Variants in FCHSD2 observed in about 807,000 individuals in gnomAD.
FCHSD2 encodes F-BAR and double SH3 domains protein 2.
In FCHSD2, 38 loss-of-function variants were observed where a neutral mutation model predicts 108.1. The ratio of observed to expected loss-of-function variants is 0.35; its 90% confidence interval spans 0.27 to 0.46. The LOEUF (loss-of-function observed/expected upper bound fraction) is 0.46. FCHSD2 is among the 20% of genes least tolerant of loss of function. The pLI, the probability that FCHSD2 is intolerant of heterozygous loss-of-function variation, is 1.00. For missense variants in FCHSD2, 751 were observed against 897.8 expected, an observed-to-expected ratio of 0.84 and a Z score of 2.09; for synonymous variants, 279 against 314.7, an observed-to-expected ratio of 0.89 and a Z score of 1.20.
chr11:72,874,420 C>T (rs1337937936), intron 12 of FCHSD2, among the ~76,000 whole-genome samples: 6 of 152,116 alleles, frequency 3.9e-5, no homozygotes, highest in African/African-American at 1.4e-4. Flanking sequence ...GAACTTCTGG[C>T]TTCAAGTGAT....
rs192897489 is a variant in FCHSD2, at chr11:72,943,828, T to C, written c.706-21878A>G. 4.6e-5 allele frequency among the ~76,000 whole-genome samples: 7 copies of C among 152,336 alleles called. No individual in the cohort carries two copies. The East Asian group carries it at 7.7e-4, about 17-fold the overall frequency. On this transcript the variant is annotated intron_variant, in intron 8 of 19. Transcript: ENST00000409418. ...CAAGAAGTTTCAGTTAGCACATCTA[T>C]AATTAAATATTTGTTCTAAGGCATG...
At chr11:72,935,976 G>C (rs1271732042) in intron 8 of FCHSD2, among the ~76,000 whole-genome samples, 1 of 152,208 alleles carries the variant, frequency 6.6e-6, no homozygotes, top group East Asian at 1.9e-4. Flanking sequence ...ACCCAGTTGT[G>C]AGTGGGCTAA....
intron 3 of FCHSD2, among the ~76,000 whole-genome samples, chr11:73,057,587 T>C (rs910277263): frequency 6.6e-6 from 1 of 152,012 alleles, no homozygotes. Flanking sequence ...AGGAATATTC[T>C]ACCTCCTTCT....
intron 10 of FCHSD2, among the ~76,000 whole-genome samples, chr11:72,896,948 T>G (rs1855433322): frequency 6.6e-6 from 1 of 151,862 alleles, no homozygotes; most frequent in South Asian, 2.1e-4. Context: ...TGCCTCAGCC[T>G]CCCGAGTAGC....
intron 2 of FCHSD2, among the ~76,000 whole-genome samples, chr11:73,120,938 G>A (rs182532144): frequency 2.6e-5 from 4 of 151,794 alleles, no homozygotes; most frequent in African/African-American, 4.8e-5. Context: ...GGCTCCCCAC[G>A]AAATCTAATC....
intron 3 of FCHSD2, among the ~76,000 whole-genome samples, chr11:73,071,650 G>C (rs559029921): frequency 6.6e-6 from 1 of 151,974 alleles, no homozygotes; most frequent in African/African-American, 2.4e-5. Flanking sequence ...GCAGTGAGCC[G>C]AGATCATGTC....
At chr11:72,889,116 G>A (rs962925067) in intron 11 of FCHSD2, among the ~76,000 whole-genome samples, 1 of 151,692 alleles carries the variant, frequency 6.6e-6, no homozygotes, top group Non-Finnish European at 1.5e-5. Context: ...CACCACACTC[G>A]GCTAATTTTT....
Position 73,009,634 on chromosome 11 carries a change from C to T in FCHSD2, c.242+6175G>A, listed in dbSNP as rs552139056. On this transcript the variant is annotated intron_variant, in intron 4 of 19. Transcript: ENST00000409418. ...TGCTTGTCTGGGAAAGAATTTACTTCTCCTTCATTTATGAAGGATAATTTT... is the reference window on the plus strand; with the variant it reads ...TGCTTGTCTGGGAAAGAATTTACTTTTCCTTCATTTATGAAGGATAATTTT... Among the ~76,000 whole-genome samples, 7 of 152,124 alleles carry T rather than the reference C, an allele frequency of 4.6e-5. No homozygotes were observed. The East Asian group carries it at 1.4e-3, about 29-fold the overall frequency.
intron 12 of FCHSD2, among the ~76,000 whole-genome samples, chr11:72,883,000 T>C (rs899512748): frequency 1.3e-5 from 2 of 152,110 alleles, no homozygotes; most frequent in Non-Finnish European, 2.9e-5. Flanking sequence ...AAATTGAAAA[T>C]ATTCATACAC....
intron 3 of FCHSD2, among the ~76,000 whole-genome samples, chr11:73,038,966 C>A (rs1293332611): frequency 6.6e-6 from 1 of 152,098 alleles, no homozygotes; most frequent in Admixed American, 6.5e-5. Flanking sequence ...CTGTAATGAC[C>A]CCCAGCCTAG....
chr11:72,910,633 G>C (rs1025173075), intron 9 of FCHSD2, among the ~76,000 whole-genome samples: 5 of 151,958 alleles, frequency 3.3e-5, no homozygotes, highest in Non-Finnish European at 5.9e-5. Flanking sequence ...CAGCATGCTC[G>C]TTAAGAGTCA....
chr11:72,849,880 C>G lies in FCHSD2; in HGVS notation c.1318G>C (p.Asp440His). ...SNGTLHSLNA[D>H]TEREEGEEFE... ...TCTTCGCCTTCTTCTCTTTCGGTAT[C>G]TGCATTAAGCTAAGAAAAATTAGAA... The change falls in exon 14 of 20, where the codon GAT becomes CAT. Residue 440 changes from aspartate to histidine, a missense_variant. Asp to His is a moderately conservative substitution (Grantham distance 81, BLOSUM62 -1). Transcript: ENST00000409418. The G allele has an allele frequency of 1.2e-6, 2 of 1,608,252 alleles. No homozygotes were observed. The highest frequency in any genetic ancestry group is 1.7e-6 in the Non-Finnish European group (2 of 1,178,232).
At chr11:72,972,059 T>C (rs987136617) in intron 8 of FCHSD2, among the ~76,000 whole-genome samples, 9 of 152,160 alleles carry the variant, frequency 5.9e-5, no homozygotes, top group Non-Finnish European at 1.0e-4. Context: ...ATAAAATTGA[T>C]TTAAAAAGAG....
chr11:73,039,229 T>C (rs974450532), intron 3 of FCHSD2, among the ~76,000 whole-genome samples: 3 of 109,900 alleles, frequency 2.7e-5, no homozygotes, highest in African/African-American at 1.0e-4. Flanking sequence ...TAACAGAACC[T>C]AACTTTCTGC....
chr11:73,101,347 T>A (rs1473000094), intron 2 of FCHSD2, among the ~76,000 whole-genome samples: 1 of 152,156 alleles, frequency 6.6e-6, no homozygotes, highest in African/African-American at 2.4e-5. Context: ...TAAAACATTG[T>A]AAATCTAAGT....
At chr11:72,945,296 G>A (rs1234577029) in intron 8 of FCHSD2, among the ~76,000 whole-genome samples, 7 of 152,104 alleles carry the variant, frequency 4.6e-5, no homozygotes, top group Non-Finnish European at 8.8e-5. Flanking sequence ...CAAGAAATGG[G>A]GAAACGATTC....
chr11:72,956,483 T>C (rs1018258741), intron 8 of FCHSD2, among the ~76,000 whole-genome samples: 4 of 152,226 alleles, frequency 2.6e-5, no homozygotes, highest in African/African-American at 9.6e-5. Flanking sequence ...CTGTGACTTA[T>C]AATCAACAGG....
chr11:73,086,654 G>A (rs2135517577), intron 2 of FCHSD2, among the ~76,000 whole-genome samples: 1 of 152,194 alleles, frequency 6.6e-6, no homozygotes, highest in East Asian at 1.9e-4. Context: ...GACTTAGGTG[G>A]ACTTAGGAAA....
At chr11:72,978,062 C>T (rs1326686601) in intron 8 of FCHSD2, among the ~76,000 whole-genome samples, 1 of 151,754 alleles carries the variant, frequency 6.6e-6, no homozygotes, top group Admixed American at 6.6e-5. Flanking sequence ...ACAGCAAGGA[C>T]AGAAAACCAA....
Sources: gnomAD v4.1 joint callset for allele counts (sites outside exome capture counted in the v4.1 genomes callset) on GRCh38, gnomAD v4.1.1 for gene constraint, MANE v1.5 for transcripts, NCBI Gene and HGNC (gene_info 2026-07-23, HGNC 2026-07-21) for gene names.